The following RTL4 variants were observed in gnomAD, a reference collection of about 807,000 sequenced individuals.
RTL4 encodes the protein retrotransposon Gag-like protein 4.
A neutral mutation model predicts 5.3 loss-of-function variants in RTL4; 4 were observed. The ratio of observed to expected loss-of-function variants is 0.75; its 90% CI spans 0.37 to 1.72. The LOEUF (loss-of-function observed/expected upper bound fraction) is 1.72. RTL4 is among the 40% of genes most tolerant of loss of function. The probability of loss-of-function intolerance (pLI) is 0.04; values close to 1 mark genes in which losing one functional copy is unlikely to be tolerated. For missense variants in RTL4, 260 were observed against 227.1 expected (o/e 1.14, Z -0.93); for synonymous variants, 98 against 87.3 (o/e 1.12, Z -0.68).
At chrX:112,156,690 A>G in the RTL4 span, among the ~76,000 whole-genome samples, 2 of 111,968 alleles carry the variant, frequency 1.8e-5, no homozygotes, top group African/African-American at 6.5e-5. Context: ...CATTAGAAAA[A>G]AGTTAAAAAC....
the RTL4 span, among the ~76,000 whole-genome samples, chrX:112,185,376 AATATATAT>A: frequency 2.3e-5 from 2 of 85,350 alleles, no homozygotes; most frequent in African/African-American, 9.1e-5. Flanking sequence ...CTATTTTATT[AATATATAT>A]ATATATATAT....
At chrX:112,245,187 C>A in the RTL4 span, among the ~76,000 whole-genome samples, 2 of 110,658 alleles carry the variant, frequency 1.8e-5, no homozygotes, top group African/African-American at 6.6e-5. Flanking sequence ...GGTTGCTCTT[C>A]TCGAGGAGTA....
At chrX:112,285,657 G>C in the RTL4 span, among the ~76,000 whole-genome samples, 25 of 111,268 alleles carry the variant, frequency 2.2e-4, no homozygotes, top group Non-Finnish European at 4.5e-4. Context: ...CCCAGTCCTG[G>C]ATCCTCACCT....
At chrX:112,406,832 T>G in the RTL4 span, among the ~76,000 whole-genome samples, 1 of 109,772 alleles carries the variant, frequency 9.1e-6, no homozygotes, top group Admixed American at 9.8e-5. Flanking sequence ...CAAGTTAGAA[T>G]ACTAGTCAGT....
At chrX:112,235,587 T>G in the RTL4 span, among the ~76,000 whole-genome samples, 1 of 112,111 alleles carries the variant, frequency 8.9e-6, no homozygotes. Flanking sequence ...TCTAAAACAC[T>G]TCTCAAATTA....
At chrX:112,109,875 C>T in the RTL4 span, among the ~76,000 whole-genome samples, 184 of 111,733 alleles carry the variant, frequency 1.6e-3, no homozygotes, top group African/African-American at 5.6e-3. Flanking sequence ...CCCAGGGGAA[C>T]TCTAGGCCAG....
the RTL4 span, among the ~76,000 whole-genome samples, chrX:112,299,079 CTG>C: frequency 3.6e-5 from 4 of 112,044 alleles, no homozygotes; most frequent in Admixed American, 1.9e-4. Context: ...AGTTTTAACT[CTG>C]AGATTTGAGA....
Position 112,455,513 on chromosome X carries a change from GCCAGC to G in RTL4, c.786_790del (p.Gln263AlafsTer42). ...AAAGGGCCTATACAGCTGCGAGAAG[GCCAGC>G]TGCCTCTCACCCCAGCCAAACGAGC... On this transcript the variant is annotated frameshift_variant, in exon 1 of 1. Coordinates refer to ENST00000340433, the Ensembl canonical transcript of RTL4. LOFTEE classifies it high-confidence loss of function. 8.3e-7 allele frequency: 1 copy of G among 1,211,282 alleles called. No homozygotes were observed. Among genetic ancestry groups the G allele is most frequent in the Non-Finnish European group, 1.1e-6 (1 of 895,427 alleles).
At chrX:112,343,577 G>A in the RTL4 span, among the ~76,000 whole-genome samples, 4 of 111,920 alleles carry the variant, frequency 3.6e-5, no homozygotes, top group South Asian at 1.5e-3. Flanking sequence ...TTTATTGTAG[G>A]ACTTTTTGGA....
the RTL4 span, among the ~76,000 whole-genome samples, chrX:112,291,872 G>A: frequency 1.1e-4 from 12 of 110,534 alleles, no homozygotes; most frequent in Non-Finnish European, 1.9e-4. Flanking sequence ...TGGGATTACA[G>A]GCATGAGCCA....
the RTL4 span, among the ~76,000 whole-genome samples, chrX:112,163,487 G>A: frequency 2.7e-5 from 3 of 111,613 alleles, no homozygotes; most frequent in Non-Finnish European, 5.6e-5. Flanking sequence ...GGATCGTGGG[G>A]AACATCCTGT....
chrX:112,312,725 A>G, the RTL4 span, among the ~76,000 whole-genome samples: 1 of 111,081 alleles, frequency 9.0e-6, no homozygotes, highest in African/African-American at 3.3e-5. Flanking sequence ...AGGAACAGAA[A>G]GAGTTCTCCA....
chrX:112,305,024 G>T, the RTL4 span, among the ~76,000 whole-genome samples: 1 of 110,868 alleles, frequency 9.0e-6, no homozygotes, highest in Non-Finnish European at 1.9e-5. Context: ...CCCCTGAGAA[G>T]CTGTCAGTAG....
chrX:112,264,326 T>C, the RTL4 span, among the ~76,000 whole-genome samples: 3 of 111,624 alleles, frequency 2.7e-5, no homozygotes, highest in African/African-American at 9.8e-5. Flanking sequence ...TAGATAATAT[T>C]AGTATTTGGA....
the RTL4 span, among the ~76,000 whole-genome samples, chrX:112,147,466 G>A: frequency 9.0e-6 from 1 of 111,449 alleles, no homozygotes; most frequent in African/African-American, 3.3e-5. Flanking sequence ...TGTGGCTCTG[G>A]ATCACAGACC....
chrX:112,324,127 T>A, the RTL4 span, among the ~76,000 whole-genome samples: 1 of 112,295 alleles, frequency 8.9e-6, no homozygotes, highest in Admixed American at 9.4e-5. Context: ...TAATCTTTAA[T>A]GTATTTTCTA....
At chrX:112,349,543 C>T in the RTL4 span, among the ~76,000 whole-genome samples, 1 of 105,222 alleles carries the variant, frequency 9.5e-6, no homozygotes, top group Non-Finnish European at 2.0e-5. Context: ...TTTCATTGAG[C>T]AGTGGTTTGT....
chrX:112,125,050 G>A, the RTL4 span, among the ~76,000 whole-genome samples: 1 of 108,000 alleles, frequency 9.3e-6, no homozygotes, highest in South Asian at 4.2e-4. Context: ...ACAGGTGCAT[G>A]CCACCACACC....
the RTL4 span, among the ~76,000 whole-genome samples, chrX:112,198,330 T>G: frequency 8.9e-6 from 1 of 111,790 alleles, no homozygotes; most frequent in African/African-American, 3.3e-5. Flanking sequence ...CAGATACAGA[T>G]TTATTTATTA....
Sources: allele counts gnomAD v4.1 joint callset (sites outside exome capture counted in the v4.1 genomes callset), GRCh38; gene constraint gnomAD v4.1.1; transcripts MANE v1.5; gene names NCBI Gene and HGNC (gene_info 2026-07-23, HGNC 2026-07-21).